The following ZNF277 variants were observed in gnomAD, a reference collection of about 807,000 sequenced individuals.
ZNF277 encodes the protein zinc finger protein 277.
In ZNF277, 55 loss-of-function variants were observed where a neutral mutation model predicts 60.7. That is an observed-to-expected ratio of 0.91 (90% confidence interval 0.73 to 1.13). The LOEUF (loss-of-function observed/expected upper bound fraction) is 1.13, where lower values mean the gene tolerates loss of function less well. Among genes scored for constraint, ZNF277 ranks in the 50% most tolerant of loss-of-function variants. ZNF277 has a pLI of 0.00. For missense variants in ZNF277, 510 were observed against 523.0 expected (o/e 0.98, Z 0.24); for synonymous variants, 178 against 179.3 (o/e 0.99, Z 0.06).
At chr7:112,319,790 A>G (rs1732332710) in intron 5 of ZNF277, among the ~76,000 whole-genome samples, 1 of 151,584 alleles carries the variant, frequency 6.6e-6, no homozygotes, top group Non-Finnish European at 1.5e-5. Flanking sequence ...CAGTTAGCAT[A>G]GAGAAAAATC....
At chr7:112,313,430 G>A (rs574480005) in intron 4 of ZNF277, among the ~76,000 whole-genome samples, 2 of 151,776 alleles carry the variant, frequency 1.3e-5, no homozygotes, top group East Asian at 1.9e-4. Context: ...CTACAGGCAC[G>A]CACCACCATG....
intron 5 of ZNF277, among the ~76,000 whole-genome samples, chr7:112,321,997 T>C (rs945445996): frequency 1.5e-4 from 23 of 152,168 alleles, no homozygotes; most frequent in Admixed American, 5.9e-4. Context: ...AATTGTTCAA[T>C]TGAGATTTTC....
intron 8 of ZNF277, among the ~76,000 whole-genome samples, chr7:112,336,858 TC>T (rs1363106297): frequency 1.3e-5 from 2 of 152,194 alleles, no homozygotes; most frequent in African/African-American, 4.8e-5. Context: ...GAATATTTAA[TC>T]AGTGAATGTT....
intron 2 of ZNF277, chr7:112,288,313 C>T (rs1336076450): frequency 2.0e-5 from 3 of 152,218 alleles, no homozygotes; most frequent in African/African-American, 7.2e-5. Context: ...TCCTGATTTC[C>T]CCATAAAACA....
intron 1 of ZNF277, among the ~76,000 whole-genome samples, chr7:112,249,964 G>C (rs1028951144): frequency 6.6e-6 from 1 of 152,116 alleles, no homozygotes; most frequent in Non-Finnish European, 1.5e-5. Flanking sequence ...AAAAAGAACA[G>C]GATAACAGCA....
intron 1 of ZNF277, among the ~76,000 whole-genome samples, chr7:112,275,665 T>G (rs1186012679): frequency 3.9e-5 from 6 of 152,204 alleles, no homozygotes; most frequent in Non-Finnish European, 8.8e-5. Context: ...TTCCTAGTAT[T>G]TATTTCTATC....
intron 1 of ZNF277, among the ~76,000 whole-genome samples, chr7:112,271,126 C>G (rs1791659581): frequency 1.3e-5 from 2 of 152,096 alleles, no homozygotes. Flanking sequence ...ATCAGATTAA[C>G]TGCTGGCAGA....
At chr7:112,251,627 A>G (rs1294889713) in intron 1 of ZNF277, among the ~76,000 whole-genome samples, 2 of 152,170 alleles carry the variant, frequency 1.3e-5, no homozygotes, top group Non-Finnish European at 2.9e-5. Context: ...GGGACCTGCA[A>G]TATTCTTTAC....
chr7:112,286,444 T>C (rs534782336), intron 1 of ZNF277, among the ~76,000 whole-genome samples: 2 of 152,348 alleles, frequency 1.3e-5, no homozygotes, highest in South Asian at 2.1e-4. Flanking sequence ...TGGCATCATC[T>C]GTCGCCTTAA....
intron 1 of ZNF277, among the ~76,000 whole-genome samples, chr7:112,215,021 C>G (rs914526817): frequency 2.0e-5 from 3 of 152,022 alleles, no homozygotes; most frequent in Non-Finnish European, 4.4e-5. Flanking sequence ...TGTTAAAGCA[C>G]TCTATGAATC....
At chr7:112,261,325 C>T in intron 1 of ZNF277, among the ~76,000 whole-genome samples, 1 of 152,090 alleles carries the variant, frequency 6.6e-6, no homozygotes, top group East Asian at 1.9e-4. Context: ...GTCCATTTTA[C>T]CTAACATACA....
intron 1 of ZNF277, among the ~76,000 whole-genome samples, chr7:112,285,146 C>T (rs1233261590): frequency 6.6e-6 from 1 of 152,040 alleles, no homozygotes; most frequent in African/African-American, 2.4e-5. Context: ...TCTCCTACCT[C>T]AGCCTCCCAA....
intron 1 of ZNF277, among the ~76,000 whole-genome samples, chr7:112,235,299 C>T (rs1159708154): frequency 6.6e-6 from 1 of 151,992 alleles, no homozygotes; most frequent in Non-Finnish European, 1.5e-5. Flanking sequence ...GAGTAGAATT[C>T]CTATGGTCAT....
At chr7:112,330,001 A>G (rs1305456038) in intron 6 of ZNF277, 83 bp from the exon 7 acceptor site, 1 of 1,454,262 alleles carries the variant, frequency 6.9e-7, no homozygotes, top group African/African-American at 1.4e-5. Context: ...AAAATGAATA[A>G]ATATGAAACT....
intron 9 of ZNF277, among the ~76,000 whole-genome samples, chr7:112,339,609 G>A (rs1048478391): frequency 2.4e-4 from 37 of 152,180 alleles, no homozygotes; most frequent in African/African-American, 8.0e-4. Flanking sequence ...GTGAGCCACC[G>A]CGCCCGGCCC....
chr7:112,241,376 A>T (rs939345888), intron 1 of ZNF277, among the ~76,000 whole-genome samples: 13 of 152,154 alleles, frequency 8.5e-5, no homozygotes, highest in Admixed American at 7.9e-4. Context: ...CCTGGCAAGG[A>T]TGTGGAGAAA....
At chr7:112,222,471 TATAATTGCTC>T (rs1389384802) in intron 1 of ZNF277, among the ~76,000 whole-genome samples, 2 of 152,240 alleles carry the variant, frequency 1.3e-5, no homozygotes, top group African/African-American at 4.8e-5. Flanking sequence ...TTTATTGCCA[TATAATTGCTC>T]ATAGTACCCT....
At chr7:112,237,977 C>T (rs777378324) in intron 1 of ZNF277, among the ~76,000 whole-genome samples, 1 of 152,084 alleles carries the variant, frequency 6.6e-6, no homozygotes, top group Non-Finnish European at 1.5e-5. Context: ...AATAAATTAA[C>T]ACCACCTGCA....
chr7:112,229,567 A>G (rs1822267916), intron 1 of ZNF277, among the ~76,000 whole-genome samples: 1 of 152,192 alleles, frequency 6.6e-6, no homozygotes, highest in Admixed American at 6.5e-5. Flanking sequence ...ATTTAGTAGA[A>G]TCTCTCTAGT....
Sources: allele counts gnomAD v4.1 joint callset (sites outside exome capture counted in the v4.1 genomes callset), GRCh38; gene constraint gnomAD v4.1.1; transcripts MANE v1.5; gene names NCBI Gene and HGNC (gene_info 2026-07-23, HGNC 2026-07-21).